The following DLG2 variants were observed in gnomAD, a reference collection of about 807,000 sequenced individuals.
DLG2 encodes the protein discs large MAGUK scaffold protein 2, also known as disks large homolog 2.
A neutral mutation model predicts 132.5 loss-of-function variants in DLG2; 45 were observed. The ratio of observed to expected loss-of-function variants is 0.34; its 90% CI spans 0.27 to 0.44. The LOEUF (loss-of-function observed/expected upper bound fraction) is 0.44, where lower values mean the gene tolerates loss of function less well. Ranked by LOEUF, DLG2 falls within the 20% of genes least tolerant of loss-of-function variation. The pLI, the probability that DLG2 is intolerant of heterozygous loss-of-function variation, is 1.00. For synonymous variants in DLG2, 424 were observed against 419.6 expected (o/e 1.01, Z -0.13); for missense variants, 1,045 against 1,196.9 (o/e 0.87, Z 1.87).
chr11:84,352,591 G>A (rs1437801262), intron 7 of DLG2, among the ~76,000 whole-genome samples: 4 of 152,178 alleles, frequency 2.6e-5, no homozygotes, highest in African/African-American at 9.6e-5. Context: ...GTGGGTGTAA[G>A]TGAAGGAGCT....
At chr11:84,202,939 C>T (rs11233942) in intron 8 of DLG2, among the ~76,000 whole-genome samples, 219 of 152,210 alleles carry the variant, frequency 1.4e-3, no homozygotes, top group African/African-American at 5.0e-3. Flanking sequence ...GTCAGAATGG[C>T]TATTATTTAA....
At chr11:85,171,611 C>T (rs1233705129) in intron 4 of DLG2, among the ~76,000 whole-genome samples, 1 of 152,124 alleles carries the variant, frequency 6.6e-6, no homozygotes, top group Non-Finnish European at 1.5e-5. Flanking sequence ...TAAGTGGCTT[C>T]ATTCTGTGGG....
chr11:84,906,306 AT>A (rs1194015965), intron 6 of DLG2, among the ~76,000 whole-genome samples: 3 of 149,194 alleles, frequency 2.0e-5, no homozygotes, highest in Non-Finnish European at 4.4e-5. Flanking sequence ...CAGGTGAGGT[AT>A]GGGCACATGT....
intron 18 of DLG2, among the ~76,000 whole-genome samples, chr11:83,718,456 G>A (rs1223469753): frequency 2.0e-5 from 3 of 149,974 alleles, no homozygotes; most frequent in African/African-American, 7.4e-5. Flanking sequence ...CCTGGGAGGC[G>A]GAGCTTGCAG....
chr11:84,882,643 C>T (rs973556035), intron 6 of DLG2, among the ~76,000 whole-genome samples: 1 of 152,004 alleles, frequency 6.6e-6, no homozygotes, highest in Non-Finnish European at 1.5e-5. Flanking sequence ...AATCTGCAGC[C>T]TTATTTTTAA....
At chr11:85,437,578 A>G (rs533093676) in intron 3 of DLG2, among the ~76,000 whole-genome samples, 5 of 152,116 alleles carry the variant, frequency 3.3e-5, no homozygotes, top group Non-Finnish European at 7.4e-5. Context: ...ACAAATATAC[A>G]CTACTCAAAA....
chr11:84,619,180 T>A (rs2099609676), intron 6 of DLG2, among the ~76,000 whole-genome samples: 1 of 151,882 alleles, frequency 6.6e-6, no homozygotes, highest in Non-Finnish European at 1.5e-5. Context: ...TAAAAAGTTT[T>A]CTAGATATTA....
chr11:83,815,453 C>T (rs566477978), intron 17 of DLG2, among the ~76,000 whole-genome samples: 2 of 152,108 alleles, frequency 1.3e-5, no homozygotes, highest in African/African-American at 4.8e-5. Flanking sequence ...CATCACGTAA[C>T]CAGAGGTGGG....
chr11:84,350,170 T>A (rs2098556704), intron 7 of DLG2, among the ~76,000 whole-genome samples: 1 of 127,542 alleles, frequency 7.8e-6, no homozygotes, highest in African/African-American at 3.6e-5. Context: ...AGAGAGAGAC[T>A]TCGTCCCCCC....
intron 4 of DLG2, among the ~76,000 whole-genome samples, chr11:85,226,846 C>A (rs1462363020): frequency 6.6e-6 from 1 of 152,118 alleles, no homozygotes; most frequent in Non-Finnish European, 1.5e-5. Context: ...AAGGAGCTTA[C>A]CCCATAGATT....
chr11:84,551,365 G>C (rs772280160), intron 6 of DLG2, among the ~76,000 whole-genome samples: 1 of 151,916 alleles, frequency 6.6e-6, no homozygotes, highest in Non-Finnish European at 1.5e-5. Context: ...ATGTTATTTT[G>C]TGCTTACTAT....
chr11:84,151,704 C>T (rs1221619075), intron 9 of DLG2, among the ~76,000 whole-genome samples: 1 of 152,178 alleles, frequency 6.6e-6, no homozygotes, highest in African/African-American at 2.4e-5. Flanking sequence ...TTTCTGTTAA[C>T]ACTGCTTTCA....
intron 3 of DLG2, among the ~76,000 whole-genome samples, chr11:85,510,492 A>G (rs934626302): frequency 2.0e-5 from 3 of 152,184 alleles, no homozygotes; most frequent in African/African-American, 4.8e-5. Context: ...GCTAATATCC[A>G]GAATCTACAA....
At chr11:85,482,949 A>G (rs1240691638) in intron 3 of DLG2, among the ~76,000 whole-genome samples, 1 of 152,232 alleles carries the variant, frequency 6.6e-6, no homozygotes, top group Non-Finnish European at 1.5e-5. Flanking sequence ...GCTATATAAG[A>G]TATCTGATAT....
intron 15 of DLG2, among the ~76,000 whole-genome samples, chr11:83,928,715 A>G (rs1423585561): frequency 1.3e-5 from 2 of 152,148 alleles, no homozygotes; most frequent in African/African-American, 4.8e-5. Flanking sequence ...GCAACTTATC[A>G]AGTCTCGATT....
At chr11:84,715,375 T>C (rs1197393135) in intron 6 of DLG2, among the ~76,000 whole-genome samples, 1 of 152,084 alleles carries the variant, frequency 6.6e-6, no homozygotes, top group Non-Finnish European at 1.5e-5. Flanking sequence ...TGTGTGTGTA[T>C]GTGTGTGTGT....
chr11:84,235,556 C>T (rs920733136), intron 8 of DLG2, among the ~76,000 whole-genome samples: 17 of 151,928 alleles, frequency 1.1e-4, no homozygotes, highest in African/African-American at 4.1e-4. Flanking sequence ...AAAAAAAAAT[C>T]TCTTCCCAGG....
In DLG2 at chr11:83,472,928, T is replaced by A. The variant is rs7948741; in HGVS notation, c.2294-151A>T. ...CCATTCAAAAATAACTTCATCCTCA[T>A]AAAACTCTTTAGCACCATTTTAGTA... is the stretch of plus-strand genomic sequence containing the variant. On this transcript the variant is annotated intron_variant, in intron 22 of 27. Transcript: ENST00000376104. 10,916 of 653,256 alleles carry A rather than the reference T, an allele frequency of 0.017. 871 individuals carry two copies. The African/African-American group carries it at 0.17, about 10-fold the overall frequency. The allele number at this position is 653,256 out of a possible 1,614,324, so 40.5% of individuals were successfully genotyped here.
chr11:84,144,761 CT>C (rs1441402112), intron 9 of DLG2, among the ~76,000 whole-genome samples: 1 of 151,806 alleles, frequency 6.6e-6, no homozygotes, highest in African/African-American at 2.4e-5. Context: ...GGACATAGAA[CT>C]GCTGGACAAT....
Sources: gnomAD v4.1 joint callset for allele counts (sites outside exome capture counted in the v4.1 genomes callset) on GRCh38, gnomAD v4.1.1 for gene constraint, MANE v1.5 for transcripts, NCBI Gene and HGNC (gene_info 2026-07-23, HGNC 2026-07-21) for gene names.